The following ARFGEF2 variants were observed in gnomAD, a reference collection of about 807,000 sequenced individuals.
ARFGEF2 encodes the protein brefeldin A-inhibited guanine nucleotide-exchange protein 2.
ARFGEF2 carries 74 observed loss-of-function variants against 219.9 expected under a neutral mutation model. The ratio of observed to expected loss-of-function variants is 0.34; its 90% confidence interval spans 0.28 to 0.41. The LOEUF (loss-of-function observed/expected upper bound fraction) is 0.41. Among genes scored for constraint, ARFGEF2 ranks in the 10% least tolerant of loss-of-function variants. The pLI, the probability that ARFGEF2 is intolerant of heterozygous loss-of-function variation, is 1.00. For synonymous variants in ARFGEF2, 733 were observed against 799.2 expected, an observed-to-expected ratio of 0.92 and a Z score of 1.40; for missense variants, 1,743 against 2,218.3, an observed-to-expected ratio of 0.79 and a Z score of 4.30.
At chr20:48,995,214 T>C (rs1300238468) in intron 22 of ARFGEF2, among the ~76,000 whole-genome samples, 1 of 152,130 alleles carries the variant, frequency 6.6e-6, no homozygotes, top group Non-Finnish European at 1.5e-5. Context: ...AGTGAAAAGA[T>C]ATGAGCAGCA....
At chr20:48,964,002 C>A in intron 7 of ARFGEF2, 104 bp downstream of exon 7, 1 of 1,014,320 alleles carries the variant, frequency 9.9e-7, no homozygotes. Context: ...GCCCTAAGAA[C>A]TGGTGGAGCT....
At chr20:48,959,564 TCCCTCCCTC>T (rs2091131747) in intron 6 of ARFGEF2, among the ~76,000 whole-genome samples, 1 of 29,660 alleles carries the variant, frequency 3.4e-5, no homozygotes. Context: ...CTTCCCTCCC[TCCCTCCCTC>T]CTTCCTTCCC....
chr20:49,033,391 T>G lies in ARFGEF2; in HGVS notation c.*192T>G. 1 of 623,082 alleles carries G rather than the reference T, an allele frequency of 1.6e-6. No homozygotes were observed. The highest frequency in any genetic ancestry group is 2.8e-6 in the Non-Finnish European group (1 of 355,846). 38.6% of individuals were successfully genotyped at this position (623,082 alleles called of 1,614,324 possible). ...GGCTTATGGTATTTCATTAAACTGT[T>G]GCATACCCAGTTAGCACAGTAGGTG... On this transcript the variant is annotated 3_prime_UTR_variant, in exon 39 of 39. Transcript: ENST00000371917.
chr20:48,949,073 C>T (rs2091048980), intron 3 of ARFGEF2, among the ~76,000 whole-genome samples: 1 of 152,204 alleles, frequency 6.6e-6, no homozygotes, highest in Admixed American at 6.5e-5. Context: ...CAGAAAGATC[C>T]ACAGGATACA....
At chr20:49,031,296 C>G (rs2091633144) in intron 37 of ARFGEF2, among the ~76,000 whole-genome samples, 1 of 126,818 alleles carries the variant, frequency 7.9e-6, no homozygotes, top group Non-Finnish European at 1.6e-5. Flanking sequence ...GTGGTGCAAT[C>G]TCAGTTTACT....
chr20:49,015,614 C>T (rs188728835), intron 30 of ARFGEF2, among the ~76,000 whole-genome samples: 40 of 152,308 alleles, frequency 2.6e-4, no homozygotes, highest in Non-Finnish European at 5.3e-4. Flanking sequence ...CTGCGTATTA[C>T]TAAGCCTTTT....
chr20:49,023,195 G>A lies in ARFGEF2; in HGVS notation c.4755+14G>A, dbSNP rs755314269. The A allele has an allele frequency of 1.2e-6, 2 of 1,613,996 alleles. No individual in the cohort carries two copies. Among genetic ancestry groups the A allele is most frequent in the Non-Finnish European group, 1.7e-6 (2 of 1,179,924 alleles). On this transcript the variant is annotated intron_variant, in intron 35 of 38. Coordinates refer to ENST00000371917, the MANE Select transcript of ARFGEF2 (RefSeq NM_006420.3). Reference sequence around the variant, plus strand: ...GTTGCCGCCCAGGTAAGAACAGGAGGCCTCAGGAAGAGCATCCCTGTCCAT... The same window carrying A: ...GTTGCCGCCCAGGTAAGAACAGGAGACCTCAGGAAGAGCATCCCTGTCCAT...
chr20:48,979,675 G>T (rs910947755), intron 14 of ARFGEF2, among the ~76,000 whole-genome samples: 2 of 152,134 alleles, frequency 1.3e-5, no homozygotes, highest in African/African-American at 4.8e-5. Flanking sequence ...TCTATTCAGG[G>T]ATTCAACTTC....
In ARFGEF2 at chr20:49,025,294, C is replaced by A. The variant is rs2091594893; in HGVS notation, c.4756-19C>A. 6.2e-7 allele frequency: 1 copy of A among 1,600,914 alleles called. No homozygotes were observed. ...CCATCTTCTTCATTAGCTCTTCTAT[C>A]CTCTGTCCTGTCCTCTAGCAAGACA... On this transcript the variant is annotated intron_variant, in intron 35 of 38. Transcript: ENST00000371917.
chr20:48,977,865 T>G (rs998541285), intron 14 of ARFGEF2, among the ~76,000 whole-genome samples: 3 of 152,222 alleles, frequency 2.0e-5, no homozygotes, highest in African/African-American at 7.2e-5. Context: ...TCTTTGTAGA[T>G]TCTGGATATT....
intron 16 of ARFGEF2, 102 bp from the exon 17 acceptor site, chr20:48,988,202 G>A (rs2091337129): frequency 8.6e-6 from 7 of 814,718 alleles, no homozygotes; most frequent in Non-Finnish European, 1.5e-5. Context: ...TGGAATCAAG[G>A]GGAGTAGTCG....
intron 6 of ARFGEF2, 35 bp downstream of exon 6, chr20:48,953,825 T>C (rs1291925965): frequency 1.3e-6 from 2 of 1,593,426 alleles, no homozygotes; most frequent in Admixed American, 3.4e-5. Flanking sequence ...TTTTTCCAAG[T>C]GTGAGAGGGA....
At position 48,965,883 on chromosome 20, in the gene ARFGEF2, A is replaced by G; in HGVS notation, c.919A>G (p.Lys307Glu). 1 of 1,614,212 alleles carries G rather than the reference A, an allele frequency of 6.2e-7. No individual in the cohort carries two copies. ...ACTTGTGTTTTAAGAAGCAGCGGAAAAGCATGGTCTGACAGAACCTGAGAG... is the reference window on the plus strand; with the variant it reads ...ACTTGTGTTTTAAGAAGCAGCGGAAGAGCATGGTCTGACAGAACCTGAGAG... Reference protein sequence around the residue: ...VTSAIKEAAEKHGLTEPERVL... With the variant: ...VTSAIKEAAEEHGLTEPERVL... Residue 307 changes from lysine to glutamate, a missense_variant, in exon 8 of 39, where the codon AAG becomes GAG. Coordinates refer to ENST00000371917, the MANE Select transcript of ARFGEF2 (RefSeq NM_006420.3).
intron 1 of ARFGEF2, among the ~76,000 whole-genome samples, chr20:48,939,061 G>A (rs1041666618): frequency 2.0e-5 from 3 of 147,480 alleles, no homozygotes; most frequent in African/African-American, 7.5e-5. Context: ...TGCAATTACT[G>A]CTTCCCGGGT....
intron 2 of ARFGEF2, 128 bp from the exon 3 acceptor site, chr20:48,941,736 T>C: frequency 7.0e-7 from 1 of 1,428,006 alleles, no homozygotes; most frequent in Non-Finnish European, 9.8e-7. Context: ...GTATTCAACT[T>C]TTAATGCCTA....
intron 16 of ARFGEF2, among the ~76,000 whole-genome samples, chr20:48,986,370 T>C (rs2091326484): frequency 6.6e-6 from 1 of 152,168 alleles, no homozygotes; most frequent in Admixed American, 6.6e-5. Context: ...AGCTCTTGCC[T>C]GTAATCCCAG....
Position 48,921,950 on chromosome 20 carries a change from G to C in ARFGEF2, c.61G>C (p.Asp21His). ...VSRALEKILA[D>H]KEVKRPQHSQ... is the part of the protein sequence containing the mutation. The stretch of plus-strand genomic sequence containing the variant: ...CCGGGCCCTGGAGAAGATCCTAGCC[G>C]ACAAGGAGGTGAAGCGGCCCCAGCA... The change falls in exon 1 of 39, where the codon GAC becomes CAC. Residue 21 changes from aspartate (D) to histidine (H), a missense_variant. By Grantham distance (81) the Asp-to-His change is moderately conservative. Around this residue, in one of 5 missense-constraint regions of ARFGEF2, gnomAD observed 394 missense variants for 426.6 expected, o/e 0.92. Coordinates refer to ENST00000371917, the MANE Select transcript of ARFGEF2 (RefSeq NM_006420.3). The C allele has an allele frequency of 1.3e-6, 2 of 1,571,326 alleles. No homozygotes were observed. Among genetic ancestry groups the C allele is most frequent in the South Asian group, 1.2e-5 (1 of 85,536 alleles).
chr20:48,963,884 C>G lies in ARFGEF2; in HGVS notation c.893C>G (p.Thr298Arg). The G allele has an allele frequency of 6.2e-7, 1 of 1,613,944 alleles. No homozygotes were observed. ...AAGGACATCTTGGAAGATGTAGTCA[C>G]ATCTGCCATTAAAGGTAAGAACCAA... is the stretch of plus-strand genomic sequence containing the variant. The part of the protein sequence containing the change: ...VVKDILEDVV[T>R]SAIKEAAEKH... The change falls in exon 7 of 39, where the codon ACA becomes AGA. Residue 298 changes from threonine to arginine, a missense_variant. Thr to Arg is a moderately conservative substitution (Grantham distance 71). Around this residue, in one of 5 missense-constraint regions of ARFGEF2, gnomAD observed 394 missense variants for 426.6 expected, o/e 0.92. Coordinates refer to ENST00000371917, the MANE Select transcript of ARFGEF2 (RefSeq NM_006420.3).
intron 26 of ARFGEF2, among the ~76,000 whole-genome samples, chr20:49,008,171 A>G (rs960271238): frequency 1.3e-5 from 2 of 152,214 alleles, no homozygotes; most frequent in African/African-American, 2.4e-5. Flanking sequence ...GTCACAGAAA[A>G]TAGTTTTCTA....
Sources: allele counts gnomAD v4.1 joint callset (sites outside exome capture counted in the v4.1 genomes callset), GRCh38; gene constraint gnomAD v4.1.1; regional missense constraint gnomAD v4.1.1; transcripts MANE v1.5; gene names NCBI Gene and HGNC (gene_info 2026-07-23, HGNC 2026-07-21).